Variants in STPG2 observed in about 807,000 individuals in gnomAD.
STPG2 encodes the protein sperm-tail PG-rich repeat-containing protein 2.
A neutral mutation model predicts 54.2 loss-of-function variants in STPG2; 56 were observed. The ratio of observed to expected loss-of-function variants is 1.03; its 90% CI spans 0.83 to 1.29. The LOEUF (loss-of-function observed/expected upper bound fraction) is 1.29. STPG2 is among the 50% of genes most tolerant of loss of function. STPG2 has a pLI of 0.00. For missense variants in STPG2, 596 were observed against 544.9 expected (o/e 1.09, Z -0.93); for synonymous variants, 200 against 181.8 (o/e 1.10, Z -0.81).
At chr4:97,917,436 TA>T (rs1350600714) in intron 8 of STPG2, 1 of 152,106 alleles carries the variant, frequency 6.6e-6, no homozygotes, top group Non-Finnish European at 1.5e-5. Context: ...AAAAGATTTT[TA>T]AAATAAGAGA....
intron 5 of STPG2, among the ~76,000 whole-genome samples, chr4:98,024,092 G>A (rs1736333883): frequency 1.3e-5 from 2 of 152,172 alleles, no homozygotes; most frequent in Non-Finnish European, 2.9e-5. Flanking sequence ...TACCTCAGAT[G>A]GAAATGCAGA....
intron 8 of STPG2, among the ~76,000 whole-genome samples, chr4:97,846,706 G>C (rs1455169820): frequency 6.6e-6 from 1 of 151,414 alleles, no homozygotes; most frequent in Non-Finnish European, 1.5e-5. Context: ...CTCAGTCTTT[G>C]CTTAGGAGAC....
intron 10 of STPG2, among the ~76,000 whole-genome samples, chr4:97,653,189 G>T (rs1008362489): frequency 4.8e-4 from 73 of 152,064 alleles, no homozygotes; most frequent in Middle Eastern, 3.4e-3. Flanking sequence ...AGGGACTGAG[G>T]TATTGCAAGT....
chr4:97,597,988 T>C (rs1052757660), intron 10 of STPG2, among the ~76,000 whole-genome samples: 2 of 151,990 alleles, frequency 1.3e-5, no homozygotes, highest in East Asian at 1.9e-4. Context: ...AAATCAATCA[T>C]CTCTGTCTGA....
At chr4:97,698,784 A>G (rs1295714369) in intron 10 of STPG2, among the ~76,000 whole-genome samples, 1 of 152,158 alleles carries the variant, frequency 6.6e-6, no homozygotes, top group Non-Finnish European at 1.5e-5. Flanking sequence ...TTGTGACTTC[A>G]AAAGGCCATT....
chr4:97,885,586 C>T (rs1417956185), intron 8 of STPG2, among the ~76,000 whole-genome samples: 4 of 152,136 alleles, frequency 2.6e-5, no homozygotes, highest in Admixed American at 2.0e-4. Context: ...GAACAATATA[C>T]CATTGGCCAC....
intron 9 of STPG2, among the ~76,000 whole-genome samples, chr4:97,733,816 G>A (rs1206333968): frequency 6.6e-6 from 1 of 152,016 alleles, no homozygotes; most frequent in Non-Finnish European, 1.5e-5. Flanking sequence ...CACTTTCAAT[G>A]TTTGCTCTCA....
At chr4:97,476,048 C>T (rs1578327860) in intron 4 of STPG2, among the ~76,000 whole-genome samples, 1 of 152,062 alleles carries the variant, frequency 6.6e-6, no homozygotes, top group East Asian at 1.9e-4. Flanking sequence ...TGCCTGTATA[C>T]CTAGTGCTAA....
chr4:97,501,687 C>A (rs1730728824), intron 4 of STPG2, among the ~76,000 whole-genome samples: 1 of 151,112 alleles, frequency 6.6e-6, no homozygotes, highest in African/African-American at 2.4e-5. Context: ...CAAAGTGAGA[C>A]CCTGTCTCAA....
chr4:97,972,536 A>T (rs1578746132), intron 6 of STPG2, 96 bp from the exon 7 acceptor site: 7 of 709,472 alleles, frequency 9.9e-6, no homozygotes, highest in Non-Finnish European at 1.4e-5. Context: ...TTTTCTAAAT[A>T]AAAAACCCTC....
rs75625170 is a variant in STPG2 at position 97,892,544 on chromosome 4, G to A, written c.1044+51353C>T. On this transcript the variant is annotated intron_variant, in intron 8 of 10. Transcript: ENST00000295268. ...CATAAGCTATCAGTTACAAATTCCT[G>A]TCTTGGAGGAGCTAGGGACTTCTCC... 4.0e-4 allele frequency among the ~76,000 whole-genome samples: 61 copies of A among 152,258 alleles called. No individual in the cohort carries two copies. The East Asian group carries it at 0.01, about 26-fold the overall frequency.
rs1370887275 is a variant in STPG2 at position 98,073,824 on chromosome 4, G to A, written c.612+32129C>T. ...TTAAAGCATTATTGCCTTGTTATAGGCACATTGCAAGTATATTTTAAGTAA... is the reference window on the plus strand; with the variant it reads ...TTAAAGCATTATTGCCTTGTTATAGACACATTGCAAGTATATTTTAAGTAA... On this transcript the variant is annotated intron_variant, in intron 5 of 10. Coordinates refer to ENST00000295268, the MANE Select transcript of STPG2 (RefSeq NM_174952.3). 3.9e-5 allele frequency among the ~76,000 whole-genome samples: 6 copies of A among 152,194 alleles called. No homozygotes were observed. In the East Asian group the frequency reaches 1.2e-3, roughly 29 times the overall value.
intron 9 of STPG2, among the ~76,000 whole-genome samples, chr4:97,829,433 G>C (rs1199744936): frequency 6.6e-6 from 1 of 151,940 alleles, no homozygotes; most frequent in Admixed American, 6.6e-5. Flanking sequence ...GCGTAAAAAG[G>C]CTGAAAATTC....
intron 5 of STPG2, among the ~76,000 whole-genome samples, chr4:98,018,763 G>A (rs1279433742): frequency 6.6e-6 from 1 of 151,850 alleles, no homozygotes; most frequent in Non-Finnish European, 1.5e-5. Context: ...TTTCCCTGAT[G>A]GCCAGTGATG....
chr4:97,449,381 C>A (rs1729309331), intron 4 of STPG2, among the ~76,000 whole-genome samples: 1 of 152,082 alleles, frequency 6.6e-6, no homozygotes, highest in African/African-American at 2.4e-5. Context: ...TATTAACAGG[C>A]AGTAACAAGA....
chr4:97,730,476 G>GT (rs1201565480), intron 9 of STPG2, among the ~76,000 whole-genome samples: 3 of 152,060 alleles, frequency 2.0e-5, no homozygotes, highest in Admixed American at 6.6e-5. Context: ...GGATGCATGT[G>GT]TTTTTTTGGT....
chr4:97,470,008 A>C (rs1032248899), intron 4 of STPG2, among the ~76,000 whole-genome samples: 1 of 152,160 alleles, frequency 6.6e-6, no homozygotes, highest in African/African-American at 2.4e-5. Flanking sequence ...AGAAATTTAC[A>C]TGAGTAAAAA....
chr4:98,057,615 G>C (rs1375683675), intron 5 of STPG2, among the ~76,000 whole-genome samples: 1 of 152,106 alleles, frequency 6.6e-6, no homozygotes, highest in Non-Finnish European at 1.5e-5. Flanking sequence ...AAGAAGAATG[G>C]AACCAACTTG....
intron 8 of STPG2, among the ~76,000 whole-genome samples, chr4:97,884,432 GA>G (rs1241408389): frequency 1.3e-5 from 2 of 152,078 alleles, no homozygotes; most frequent in Non-Finnish European, 2.9e-5. Flanking sequence ...TATAAAAAGA[GA>G]AAAAGGACAC....
Sources: allele counts gnomAD v4.1 joint callset (sites outside exome capture counted in the v4.1 genomes callset), GRCh38; gene constraint gnomAD v4.1.1; transcripts MANE v1.5; gene names NCBI Gene and HGNC (gene_info 2026-07-23, HGNC 2026-07-21).